ARID2: variants seen among roughly 807,000 people sequenced by gnomAD.
ARID2 encodes AT-rich interaction domain 2.
In ARID2, 32 loss-of-function variants were observed where a neutral mutation model predicts 184.6. The ratio of observed to expected loss-of-function variants is 0.17; its 90% CI spans 0.13 to 0.23. The LOEUF (loss-of-function observed/expected upper bound fraction) is 0.23. Among genes scored for constraint, ARID2 ranks in the 10% least tolerant of loss-of-function variants. The pLI is 1.00. For missense variants in ARID2, 1,696 were observed against 2,197.6 expected (o/e 0.77, Z 4.56); for synonymous variants, 836 against 772.6 (o/e 1.08, Z -1.36).
rs768404155 is a variant in ARID2 at position 45,905,762 on chromosome 12, T to C, written c.*684T>C. ...ACTGGAAATACATTCTGTGGTGTCC[T>C]AGAAGCATTATTGGTAGGTTCTAAA... On this transcript the variant is annotated 3_prime_UTR_variant, in exon 21 of 21. Coordinates refer to ENST00000334344, the MANE Select transcript of ARID2 (RefSeq NM_152641.4). 28 of 232,856 alleles carry C rather than the reference T, an allele frequency of 1.2e-4. No homozygotes were observed. Among genetic ancestry groups the C allele is most frequent in the Admixed American group, 5.6e-4 (10 of 17,770 alleles). The allele number at this position is 232,856 out of a possible 1,614,324, so 14.4% of individuals were successfully genotyped here.
At chr12:45,822,061 A>G (rs1453615180) in intron 6 of ARID2, among the ~76,000 whole-genome samples, 1 of 152,228 alleles carries the variant, frequency 6.6e-6, no homozygotes, top group East Asian at 1.9e-4. Flanking sequence ...CTCCAAGGGT[A>G]CATTTTATAG....
chr12:45,731,457 A>G, intron 3 of ARID2, 143 bp downstream of exon 3: 1 of 597,594 alleles, frequency 1.7e-6, no homozygotes, highest in Non-Finnish European at 2.9e-6. Flanking sequence ...ATTTAATATA[A>G]ATAAAGTGAG....
In ARID2 at chr12:45,813,218, CTG is replaced by C. The variant is rs368326714; in HGVS notation, c.418+1668_418+1669del. On this transcript the variant is annotated intron_variant, in intron 4 of 20. Coordinates refer to ENST00000334344, the MANE Select transcript of ARID2 (RefSeq NM_152641.4). ...TTGGAGATTCATGAAGAGGAAGAAA[CTG>C]GGAACTGATGGGGAACATCAGATTA... Among the ~76,000 whole-genome samples the C allele has an allele frequency of 2.3e-3, 344 of 152,120 alleles. 12 individuals are homozygous for C. In the South Asian group the frequency reaches 0.067, roughly 30 times the overall value.
intron 11 of ARID2, chr12:45,841,234 T>C (rs920393069): frequency 6.6e-6 from 1 of 152,218 alleles, no homozygotes; most frequent in African/African-American, 2.4e-5. Flanking sequence ...TGGTTAGCCT[T>C]TGACCTTCAC....
chr12:45,802,053 G>A (rs1377066171), intron 3 of ARID2, among the ~76,000 whole-genome samples: 2 of 150,854 alleles, frequency 1.3e-5, no homozygotes, highest in Admixed American at 6.6e-5. Flanking sequence ...TTTGTTTTTC[G>A]TTTGGCTCCC....
chr12:45,756,476 G>A (rs1205246108), intron 3 of ARID2, among the ~76,000 whole-genome samples: 2 of 152,128 alleles, frequency 1.3e-5, no homozygotes, highest in Non-Finnish European at 2.9e-5. Flanking sequence ...CTATCACAAA[G>A]GTTGAGACTA....
In ARID2 at chr12:45,842,288, T is replaced by C. The variant is rs755363648; in HGVS notation, c.1498+2792T>C. 3.3e-5 allele frequency: 5 copies of C among 149,788 alleles called. No homozygotes were observed. In the East Asian group the frequency reaches 5.9e-4, roughly 18 times the overall value. The allele number at this position is 149,788 out of a possible 1,614,324, so 9.3% of individuals were successfully genotyped here. On this transcript the variant is annotated intron_variant, in intron 11 of 20. Coordinates refer to ENST00000334344, the MANE Select transcript of ARID2 (RefSeq NM_152641.4). ...ATACATATATACACATACACACACA[T>C]ATGTGTGTGTATATATATACACACA...
chr12:45,769,341 A>G (rs922578701), intron 3 of ARID2, among the ~76,000 whole-genome samples: 2 of 152,238 alleles, frequency 1.3e-5, no homozygotes, highest in African/African-American at 4.8e-5. Context: ...GTCAATAAAG[A>G]TACAGAATTA....
chr12:45,828,372 A>G (rs1943044043), intron 6 of ARID2, among the ~76,000 whole-genome samples: 1 of 152,124 alleles, frequency 6.6e-6, no homozygotes, highest in Non-Finnish European at 1.5e-5. Flanking sequence ...TGTAAAAAGC[A>G]ATAAGGATTT....
intron 3 of ARID2, among the ~76,000 whole-genome samples, chr12:45,746,505 T>C (rs1047476112): frequency 5.3e-5 from 8 of 152,038 alleles, no homozygotes; most frequent in Non-Finnish European, 1.2e-4. Flanking sequence ...TTTTTTTAAG[T>C]ATTTTTCTTA....
At chr12:45,830,592 A>G (rs1273102172) in intron 6 of ARID2, among the ~76,000 whole-genome samples, 1 of 152,108 alleles carries the variant, frequency 6.6e-6, no homozygotes, top group Admixed American at 6.5e-5. Flanking sequence ...TCCTCACTAC[A>G]CTGCATCAAG....
chr12:45,742,414 A>G (rs1477090687), intron 3 of ARID2, among the ~76,000 whole-genome samples: 2 of 152,192 alleles, frequency 1.3e-5, no homozygotes, highest in Non-Finnish European at 2.9e-5. Flanking sequence ...GTAGTAGACT[A>G]TATACCATCT....
intron 3 of ARID2, among the ~76,000 whole-genome samples, chr12:45,810,643 C>T (rs559273397): frequency 2.0e-4 from 31 of 152,176 alleles, no homozygotes; most frequent in African/African-American, 6.7e-4. Flanking sequence ...ATTTAGACCT[C>T]TAAAATATAT....
intron 16 of ARID2, among the ~76,000 whole-genome samples, chr12:45,889,225 A>G (rs1008328433): frequency 9.2e-5 from 14 of 152,192 alleles, no homozygotes; most frequent in Admixed American, 8.5e-4. Context: ...ATTACTCTGG[A>G]GTGGCAGCAG....
At chr12:45,870,979 G>C (rs140459071) in intron 16 of ARID2, among the ~76,000 whole-genome samples, 1 of 152,132 alleles carries the variant, frequency 6.6e-6, no homozygotes, top group African/African-American at 2.4e-5. Context: ...AAACACCTAG[G>C]ATTATAATTG....
At position 45,800,439 on chromosome 12, in the gene ARID2, GAA is replaced by G. The variant is rs1942475305; in HGVS notation, c.285-10976_285-10975del. Among the ~76,000 whole-genome samples, 5 of 152,120 alleles carry G rather than the reference GAA, an allele frequency of 3.3e-5. No individual in the cohort carries two copies. In the South Asian group the frequency reaches 1.0e-3, roughly 32 times the overall value. On this transcript the variant is annotated intron_variant, in intron 3 of 20. Transcript: ENST00000334344. ...TACTGGAGAAAAAAGTTTAAAATAT[GAA>G]AAGAGATAACTGTGATGTTGAATTG... is the stretch of plus-strand genomic sequence containing the variant.
chr12:45,839,605 T>C, intron 11 of ARID2, 109 bp downstream of exon 11: 3 of 1,282,172 alleles, frequency 2.3e-6, no homozygotes, highest in South Asian at 1.7e-5. Flanking sequence ...TACAGTATAG[T>C]AGGCCAAAGT....
chr12:45,839,884 G>A (rs757849159), intron 11 of ARID2: 12 of 171,928 alleles, frequency 7.0e-5, no homozygotes, highest in Admixed American at 1.1e-4. Context: ...ATCAGGACGC[G>A]TAAGTATAAT....
At chr12:45,900,423 C>T (rs138953763) in intron 20 of ARID2, among the ~76,000 whole-genome samples, 124 of 152,204 alleles carry the variant, frequency 8.1e-4, no homozygotes, top group Non-Finnish European at 1.4e-3. Context: ...TGGCTTTTTA[C>T]GGGCCTAATA....
Sources: allele counts gnomAD v4.1 joint callset (sites outside exome capture counted in the v4.1 genomes callset), GRCh38; gene constraint gnomAD v4.1.1; transcripts MANE v1.5; gene names NCBI Gene and HGNC (gene_info 2026-07-23, HGNC 2026-07-21).